Variants in ASPH observed in about 807,000 individuals in gnomAD.
ASPH encodes aspartate beta-hydroxylase, also known as aspartyl/asparaginyl beta-hydroxylase.
A neutral mutation model predicts 118.4 loss-of-function variants in ASPH; 100 were observed. The observed-to-expected ratio is 0.84, with a 90% confidence interval of 0.72 to 1.00. The LOEUF (loss-of-function observed/expected upper bound fraction) is 1.00, where lower values mean the gene tolerates loss of function less well. Among genes scored for constraint, ASPH ranks in the 50% least tolerant of loss-of-function variants. The pLI is 0.00. For missense variants in ASPH, 920 were observed against 919.5 expected (o/e 1.00, Z -0.01); for synonymous variants, 315 against 325.6 (o/e 0.97, Z 0.35).
At chr8:61,679,958 AC>A (rs779539259) in intron 3 of ASPH, among the ~76,000 whole-genome samples, 2,627 of 107,968 alleles carry the variant, frequency 0.024, 69 homozygotes, top group African/African-American at 0.053. Context: ...AAAAAAAAAA[AC>A]AAAAAACACC....
intron 16 of ASPH, 67 bp from the exon 17 acceptor site, chr8:61,567,385 T>G: frequency 6.9e-7 from 1 of 1,457,032 alleles, no homozygotes; most frequent in Non-Finnish European, 9.2e-7. Flanking sequence ...CCCAAAATAT[T>G]CATAAAAAGT....
intron 20 of ASPH, among the ~76,000 whole-genome samples, chr8:61,550,245 CT>C (rs754981450): frequency 1.3e-5 from 2 of 152,170 alleles, no homozygotes; most frequent in Non-Finnish European, 1.5e-5. Context: ...GAAAATTTCT[CT>C]ACTATTTCCT....
At chr8:61,635,925 C>T (rs1391405117) in intron 12 of ASPH, among the ~76,000 whole-genome samples, 1 of 152,114 alleles carries the variant, frequency 6.6e-6, no homozygotes, top group African/African-American at 2.4e-5. Flanking sequence ...ACATCTAAAA[C>T]AAAAATCAGA....
At chr8:61,525,915 G>T (rs1815156926) in intron 22 of ASPH, 62 bp downstream of exon 22, 1 of 1,602,286 alleles carries the variant, frequency 6.2e-7, no homozygotes, top group Non-Finnish European at 8.5e-7. Context: ...GAAGACTCTT[G>T]TCAGTACCCA....
At chr8:61,636,002 T>C (rs958687419) in intron 12 of ASPH, among the ~76,000 whole-genome samples, 1 of 152,212 alleles carries the variant, frequency 6.6e-6, no homozygotes, top group Non-Finnish European at 1.5e-5. Flanking sequence ...AAAGCCTTAG[T>C]AGGCCTTGCA....
In ASPH at chr8:61,653,551, G is replaced by A. The variant is rs369798549; in HGVS notation, c.415+17C>T. 1.2e-4 allele frequency: 198 copies of A among 1,611,846 alleles called. No individual in the cohort carries two copies. Among genetic ancestry groups the A allele is most frequent in the Non-Finnish European group, 1.6e-4 (192 of 1,179,236 alleles). ...CTGGCACACCTGGGCGAGACTCGAG[G>A]ATGAGGACAAGCTTACCTGCCTCCA... On this transcript the variant is annotated intron_variant, in intron 4 of 24. Transcript: ENST00000379454.
At chr8:61,702,316 G>A (rs1008380940) in intron 1 of ASPH, among the ~76,000 whole-genome samples, 11 of 129,604 alleles carry the variant, frequency 8.5e-5, no homozygotes, top group Middle Eastern at 5.6e-3. Flanking sequence ...ACAGAGTCTC[G>A]CTCTGTCGCC....
intron 3 of ASPH, chr8:61,661,178 T>C (rs1563446242): frequency 6.6e-6 from 1 of 152,230 alleles, no homozygotes; most frequent in Non-Finnish European, 1.5e-5. Context: ...TATACTCATT[T>C]CACAAAGACA....
intron 24 of ASPH, 106 bp downstream of exon 24, chr8:61,517,422 A>G (rs550144609): frequency 6.8e-7 from 1 of 1,466,628 alleles, no homozygotes; most frequent in South Asian, 1.3e-5. Context: ...GCTCCAGTCT[A>G]CTTCAGCTAC....
rs566117403 is a variant in ASPH at position 61,601,077 on chromosome 8, G to C, written c.977-17048C>G. On this transcript the variant is annotated intron_variant, in intron 14 of 24. Transcript: ENST00000379454. ...CTAAATGTTCATTCCCCTAGTTACA[G>C]AACTTTAAAATCCATGAAACAAAAC... 3.0e-4 allele frequency among the ~76,000 whole-genome samples: 45 copies of C among 151,308 alleles called. 5 individuals are homozygous for C. The highest frequency in any genetic ancestry group is 1.1e-3 in the African/African-American group (44 of 40,736).
intron 3 of ASPH, among the ~76,000 whole-genome samples, chr8:61,671,333 T>A (rs1044245582): frequency 2.0e-5 from 3 of 151,810 alleles, no homozygotes; most frequent in Non-Finnish European, 4.4e-5. Flanking sequence ...AGCTAATGTC[T>A]AGGGAAAAAA....
chr8:61,574,962 C>T (rs1346851382), intron 16 of ASPH, among the ~76,000 whole-genome samples: 1 of 152,210 alleles, frequency 6.6e-6, no homozygotes, highest in African/African-American at 2.4e-5. Flanking sequence ...TTCCCTGCCC[C>T]AGCATGCCCT....
chr8:61,640,391 A>T (rs1804571601), intron 10 of ASPH, among the ~76,000 whole-genome samples: 1 of 152,204 alleles, frequency 6.6e-6, no homozygotes, highest in South Asian at 2.1e-4. Context: ...TCTTGCTCAC[A>T]GGCATCCTCT....
At chr8:61,510,493 C>T (rs188810130) in intron 24 of ASPH, among the ~76,000 whole-genome samples, 2 of 152,316 alleles carry the variant, frequency 1.3e-5, no homozygotes, top group Admixed American at 1.3e-4. Flanking sequence ...TAGAAACCAC[C>T]ACACATCATT....
chr8:61,640,202 A>T lies in ASPH; in HGVS notation c.791-1839T>A, dbSNP rs572387602. 7.2e-5 allele frequency among the ~76,000 whole-genome samples: 11 copies of T among 152,276 alleles called. No individual in the cohort carries two copies. The South Asian group carries it at 2.1e-3, about 29-fold the overall frequency. ...GAAACTCATCTCCTTTGGTTCCTTC[A>T]GACAGAGAGAGATGTGATGCACGGA... On this transcript the variant is annotated intron_variant, in intron 10 of 24. Transcript: ENST00000379454.
chr8:61,536,425 G>A (rs533856527), intron 21 of ASPH, among the ~76,000 whole-genome samples: 57 of 152,294 alleles, frequency 3.7e-4, no homozygotes, highest in African/African-American at 1.2e-3. Context: ...TACAGCAAGG[G>A]AGTCAGCCAC....
At chr8:61,563,282 G>T (rs1044185508) in intron 17 of ASPH, among the ~76,000 whole-genome samples, 12 of 152,026 alleles carry the variant, frequency 7.9e-5, no homozygotes, top group African/African-American at 2.9e-4. Flanking sequence ...TAACTTCAGG[G>T]TCTAGCACCC....
chr8:61,502,039 A>G lies in ASPH; in HGVS notation c.*1320T>C, dbSNP rs1805027164. 1 of 152,208 alleles carries G rather than the reference A, an allele frequency of 6.6e-6. No homozygotes were observed. The highest frequency in any genetic ancestry group is 1.9e-4 in the East Asian group (1 of 5,200). 9.4% of individuals were successfully genotyped at this position (152,208 alleles called of 1,614,324 possible). Reference sequence around the variant, plus strand: ...TTCCTAGTTAGCTTTGATTCAAAATATACAAAATCTGATACATGAATACTT... The same window carrying G: ...TTCCTAGTTAGCTTTGATTCAAAATGTACAAAATCTGATACATGAATACTT... On this transcript the variant is annotated 3_prime_UTR_variant, in exon 25 of 25. Coordinates refer to ENST00000379454, the MANE Select transcript of ASPH (RefSeq NM_004318.4).
At chr8:61,693,366 G>A (rs1340478617) in intron 1 of ASPH, among the ~76,000 whole-genome samples, 4 of 152,200 alleles carry the variant, frequency 2.6e-5, no homozygotes, top group African/African-American at 9.7e-5. Context: ...ACCCTGCTAA[G>A]AAGGCTCTGC....
Sources: allele counts gnomAD v4.1 joint callset (sites outside exome capture counted in the v4.1 genomes callset), GRCh38; gene constraint gnomAD v4.1.1; transcripts MANE v1.5; gene names NCBI Gene and HGNC (gene_info 2026-07-23, HGNC 2026-07-21).